SLC36A1: variants seen among roughly 807,000 people sequenced by gnomAD.
The protein encoded by SLC36A1 is proton-coupled amino acid transporter 1.
SLC36A1 carries 30 observed loss-of-function variants against 47.5 expected under a neutral mutation model. The ratio of observed to expected loss-of-function variants is 0.63; its 90% CI spans 0.47 to 0.86. SLC36A1 has a LOEUF of 0.86. Among genes scored for constraint, SLC36A1 ranks in the 40% least tolerant of loss-of-function variants. The probability of loss-of-function intolerance (pLI) is 0.00; values close to 1 mark genes in which losing one functional copy is unlikely to be tolerated. For missense variants in SLC36A1, 517 were observed against 606.0 expected (o/e 0.85, Z 1.54); for synonymous variants, 255 against 249.7 (o/e 1.02, Z -0.20).
At chr5:151,409,645 C>T in the SLC36A1 span, among the ~76,000 whole-genome samples, 934 of 152,292 alleles carry the variant, frequency 6.1e-3, 13 homozygotes, top group African/African-American at 0.021. Flanking sequence ...AGGCCCCACC[C>T]TGGACCTCCT....
the SLC36A1 span, among the ~76,000 whole-genome samples, chr5:151,405,551 T>C: frequency 6.6e-6 from 1 of 152,222 alleles, no homozygotes; most frequent in East Asian, 1.9e-4. Flanking sequence ...CCGTTCTATA[T>C]CCGTCATCTC....
At chr5:151,550,037 C>T in the SLC36A1 span, among the ~76,000 whole-genome samples, 1 of 152,154 alleles carries the variant, frequency 6.6e-6, no homozygotes, top group Non-Finnish European at 1.5e-5. Flanking sequence ...GTGAGGAAGT[C>T]TGTCTTTCTC....
At position 151,467,764 on chromosome 5, in the gene SLC36A1, C is replaced by T. The variant is rs758354539; in HGVS notation, c.562C>T (p.Leu188=). 8 of 1,614,086 alleles carry T rather than the reference C, an allele frequency of 5.0e-6. No individual in the cohort carries two copies. The East Asian group carries it at 1.8e-4, about 36-fold the overall frequency. The change falls in exon 7 of 11, where the codon CTG becomes TTG. Residue 188 remains leucine, a synonymous_variant. Coordinates refer to ENST00000243389, the MANE Select transcript of SLC36A1 (RefSeq NM_078483.4). ...CTGCCACAACAATGAGACGGTGATTCTGACGCCTACCATGGACTCGCGACT... is the reference window on the plus strand; with the variant it reads ...CTGCCACAACAATGAGACGGTGATTTTGACGCCTACCATGGACTCGCGACT... ...NNCHNNETVI[L]TPTMDSRLYM...
chr5:151,549,300 A>C, the SLC36A1 span: 1 of 1,612,718 alleles, frequency 6.2e-7, no homozygotes, highest in Non-Finnish European at 8.5e-7. Flanking sequence ...CTCACCTTTC[A>C]GGAGGGAGTA....
chr5:151,365,113 G>C, the SLC36A1 span, among the ~76,000 whole-genome samples: 1 of 152,072 alleles, frequency 6.6e-6, no homozygotes, highest in African/African-American at 2.4e-5. Context: ...TTAGAGAGTG[G>C]AGAAAGGGTG....
the SLC36A1 span, among the ~76,000 whole-genome samples, chr5:151,523,832 G>C: frequency 6.6e-6 from 1 of 152,076 alleles, no homozygotes; most frequent in Non-Finnish European, 1.5e-5. Context: ...ACAGAGCTTC[G>C]GTTTAGCCCA....
the SLC36A1 span, chr5:151,537,891 T>A: frequency 6.2e-7 from 1 of 1,614,126 alleles, no homozygotes. Context: ...GGCAGAAACC[T>A]TCAAAATGAA....
chr5:151,553,873 G>C, the SLC36A1 span, among the ~76,000 whole-genome samples: 1 of 152,210 alleles, frequency 6.6e-6, no homozygotes, highest in Non-Finnish European at 1.5e-5. Flanking sequence ...GGCTCAGTGT[G>C]GTCGATTCAC....
At chr5:151,353,954 T>C in the SLC36A1 span, among the ~76,000 whole-genome samples, 10 of 152,224 alleles carry the variant, frequency 6.6e-5, no homozygotes, top group Non-Finnish European at 1.5e-4. Flanking sequence ...AGTTTATTTA[T>C]CCATTCACCT....
the SLC36A1 span, chr5:151,381,023 T>G: frequency 2.5e-6 from 1 of 401,106 alleles, no homozygotes; most frequent in Non-Finnish European, 5.0e-6. Flanking sequence ...TGCTCTCTTG[T>G]TGAAGAGGCG....
chr5:151,405,548 A>G, the SLC36A1 span, among the ~76,000 whole-genome samples: 1 of 151,988 alleles, frequency 6.6e-6, no homozygotes, highest in Non-Finnish European at 1.5e-5. Flanking sequence ...TTGCCGTTCT[A>G]TATCCGTCAT....
At chr5:151,364,421 C>G in the SLC36A1 span, among the ~76,000 whole-genome samples, 1 of 152,112 alleles carries the variant, frequency 6.6e-6, no homozygotes, top group African/African-American at 2.4e-5. Flanking sequence ...AGTGATTGTC[C>G]CATTTTAGAT....
chr5:151,403,625 T>C, the SLC36A1 span, among the ~76,000 whole-genome samples: 4 of 152,194 alleles, frequency 2.6e-5, no homozygotes, highest in East Asian at 7.7e-4. Context: ...TCTTAAAAAT[T>C]ACCCAGTCTT....
At chr5:151,453,430 T>G (rs1201057100) in intron 1 of SLC36A1, among the ~76,000 whole-genome samples, 1 of 152,010 alleles carries the variant, frequency 6.6e-6, no homozygotes, top group Non-Finnish European at 1.5e-5. Flanking sequence ...GTGTGCACAT[T>G]TCAATTTTAC....
chr5:151,395,551 C>A, the SLC36A1 span, among the ~76,000 whole-genome samples: 1 of 152,164 alleles, frequency 6.6e-6, no homozygotes, highest in Non-Finnish European at 1.5e-5. Flanking sequence ...TTGGAGCCAC[C>A]TCCCCTTTTG....
intron 8 of SLC36A1, among the ~76,000 whole-genome samples, chr5:151,474,177 A>AG (rs1460189832): frequency 8.1e-5 from 10 of 123,560 alleles, no homozygotes; most frequent in African/African-American, 2.7e-4. Context: ...AAAAAAAAAA[A>AG]AAGAAATTAT....
chr5:151,394,435 A>G, the SLC36A1 span, among the ~76,000 whole-genome samples: 1 of 152,152 alleles, frequency 6.6e-6, no homozygotes, highest in Non-Finnish European at 1.5e-5. Flanking sequence ...GCTTTGTTCC[A>G]TTGCTGGCGA....
the SLC36A1 span, among the ~76,000 whole-genome samples, chr5:151,430,837 T>A: frequency 6.6e-6 from 1 of 152,228 alleles, no homozygotes; most frequent in Admixed American, 6.5e-5. Context: ...ACTAGATCAG[T>A]CTTGGCTCCT....
At chr5:151,555,890 C>A in the SLC36A1 span, among the ~76,000 whole-genome samples, 1 of 152,262 alleles carries the variant, frequency 6.6e-6, no homozygotes, top group Middle Eastern at 3.4e-3. Context: ...TAACCAAAGC[C>A]TTTCATTGAA....
Sources: gnomAD v4.1 joint callset for allele counts (sites outside exome capture counted in the v4.1 genomes callset) on GRCh38, gnomAD v4.1.1 for gene constraint, MANE v1.5 for transcripts, NCBI Gene and HGNC (gene_info 2026-07-23, HGNC 2026-07-21) for gene names.